NAA15: variants seen among roughly 807,000 people sequenced by gnomAD.
The protein encoded by NAA15 is N-alpha-acetyltransferase 15, NatA auxiliary subunit.
In NAA15, 34 loss-of-function variants were observed where a neutral mutation model predicts 114.0. That is an observed-to-expected ratio of 0.30 (90% CI 0.23 to 0.40). The LOEUF is 0.40. Ranked by LOEUF, NAA15 falls within the 10% of genes least tolerant of loss-of-function variation. The pLI is 1.00. For missense variants in NAA15, 658 were observed against 1,004.5 expected (o/e 0.66, Z 4.66); for synonymous variants, 340 against 338.0 (o/e 1.01, Z -0.06).
chr4:139,348,901 A>C (rs1747688759), intron 6 of NAA15, among the ~76,000 whole-genome samples: 2 of 152,190 alleles, frequency 1.3e-5, no homozygotes, highest in African/African-American at 4.8e-5. Flanking sequence ...ATAGGTTGAT[A>C]GTTTTTTCTC....
intron 19 of NAA15, among the ~76,000 whole-genome samples, chr4:139,386,917 T>C (rs1360984794): frequency 1.3e-5 from 2 of 152,180 alleles, no homozygotes; most frequent in African/African-American, 4.8e-5. Context: ...AAAATTAATA[T>C]GGGTGTATTG....
intron 3 of NAA15, among the ~76,000 whole-genome samples, chr4:139,337,283 G>A (rs1489973469): frequency 1.3e-5 from 2 of 152,212 alleles, no homozygotes; most frequent in African/African-American, 4.8e-5. Flanking sequence ...CAATGTGATA[G>A]TGGTAGGTGG....
intron 15 of NAA15, among the ~76,000 whole-genome samples, chr4:139,373,373 T>A (rs1399350213): frequency 3.3e-5 from 5 of 152,150 alleles, no homozygotes; most frequent in African/African-American, 1.2e-4. Context: ...TAAAATGCCC[T>A]AAAAATAGGG....
chr4:139,345,901 A>G (rs963178571), intron 6 of NAA15, among the ~76,000 whole-genome samples: 3 of 152,134 alleles, frequency 2.0e-5, no homozygotes, highest in African/African-American at 7.2e-5. Context: ...AGGCTGGGCA[A>G]CAGAGCAAGA....
chr4:139,379,959 C>T (rs139839262), intron 17 of NAA15, among the ~76,000 whole-genome samples: 9 of 152,124 alleles, frequency 5.9e-5, no homozygotes, highest in African/African-American at 1.9e-4. Flanking sequence ...GCAGGAGAAT[C>T]GCTTGAACTT....
chr4:139,357,364 TTCTTCTCCC>T lies in NAA15; in HGVS notation c.1088-13_1088-5del. 6.2e-7 allele frequency: 1 copy of T among 1,612,258 alleles called. No individual in the cohort carries two copies. Among genetic ancestry groups the T allele is most frequent in the Non-Finnish European group, 8.5e-7 (1 of 1,178,998 alleles). On this transcript the variant is annotated splice_polypyrimidine_tract_variant and intron_variant, in intron 10 of 19. Transcript: ENST00000296543. ...AATATATGTAATGCCTCATCTTGGT[TTCTTCTCCC>T]TCTTCTCCTAAGATGATGGAAAGGA...
intron 3 of NAA15, among the ~76,000 whole-genome samples, chr4:139,338,457 C>T (rs931780616): frequency 7.9e-5 from 12 of 151,592 alleles, no homozygotes; most frequent in African/African-American, 2.7e-4. Flanking sequence ...TTTGTTTGTG[C>T]TTTTTTTTAG....
intron 17 of NAA15, 141 bp from the exon 18 acceptor site, chr4:139,384,691 G>T: frequency 2.2e-6 from 1 of 460,688 alleles, no homozygotes; most frequent in Non-Finnish European, 3.6e-6. Context: ...GAAGGTTGAG[G>T]CTACAGTGAG....
chr4:139,382,852 A>G (rs189865922), intron 17 of NAA15, among the ~76,000 whole-genome samples: 1 of 152,358 alleles, frequency 6.6e-6, no homozygotes, highest in East Asian at 1.9e-4. Flanking sequence ...GCTAATAATT[A>G]TGTATAGAAT....
At position 139,359,914 on chromosome 4, in the gene NAA15, CT is replaced by C; in HGVS notation, c.1410+21del. Reference sequence around the variant, plus strand: ...TACAAGGGTTTGTACAGCTAGTGTTCTTAATTATGAATAAAGAAGACATGAG... The same window carrying C: ...TACAAGGGTTTGTACAGCTAGTGTTCTAATTATGAATAAAGAAGACATGAG... On this transcript the variant is annotated intron_variant, in intron 12 of 19. Coordinates refer to ENST00000296543, the MANE Select transcript of NAA15 (RefSeq NM_057175.5). 6.5e-7 allele frequency: 1 copy of C among 1,547,694 alleles called. No individual in the cohort carries two copies. The highest frequency in any genetic ancestry group is 8.6e-7 in the Non-Finnish European group (1 of 1,157,162).
chr4:139,334,433 A>G (rs1214929151), intron 2 of NAA15, among the ~76,000 whole-genome samples, 175 bp downstream of exon 2: 2 of 152,220 alleles, frequency 1.3e-5, no homozygotes, highest in Non-Finnish European at 2.9e-5. Flanking sequence ...GAAAATGATA[A>G]CACATTTTAC....
rs1270879276 is a variant in NAA15, at chr4:139,310,322, C to CG, written c.54+8494dup. ...ACAAAAAATTAGCCGGGCGTAGTGG[C>CG]GGGCGCCTGTAGTCCCAGCTACTTG... On this transcript the variant is annotated intron_variant, in intron 1 of 19. Coordinates refer to ENST00000296543, the MANE Select transcript of NAA15 (RefSeq NM_057175.5). Among the ~76,000 whole-genome samples, 4 of 149,978 alleles carry CG rather than the reference C, an allele frequency of 2.7e-5. No homozygotes were observed. In the East Asian group the frequency reaches 7.8e-4, roughly 29 times the overall value.
chr4:139,369,098 T>C (rs1004663516), intron 14 of NAA15, among the ~76,000 whole-genome samples: 54 of 152,304 alleles, frequency 3.5e-4, no homozygotes, highest in Admixed American at 2.0e-3. Context: ...GAAAATAAGG[T>C]TACAAATTAG....
chr4:139,380,515 TATAATC>T (rs1748719896), intron 17 of NAA15, among the ~76,000 whole-genome samples: 1 of 152,230 alleles, frequency 6.6e-6, no homozygotes, highest in African/African-American at 2.4e-5. Context: ...TGTATTTGCT[TATAATC>T]AGTATGTAGA....
intron 1 of NAA15, among the ~76,000 whole-genome samples, chr4:139,323,263 G>A (rs1295950623): frequency 6.6e-6 from 1 of 152,018 alleles, no homozygotes; most frequent in Non-Finnish European, 1.5e-5. Context: ...CACTATGTTG[G>A]CCAGGCTGGT....
chr4:139,389,806 C>G lies in NAA15; in HGVS notation c.*1722C>G, dbSNP rs1279264422. 1 of 152,584 alleles carries G rather than the reference C, an allele frequency of 6.6e-6. No homozygotes were observed. The highest frequency in any genetic ancestry group is 1.5e-5 in the Non-Finnish European group (1 of 68,036). 9.5% of individuals were successfully genotyped at this position (152,584 alleles called of 1,614,324 possible). ...ACTGATTGAACAGTTGTGCTACAAT[C>G]AACTTTTCATAGTACATGACCTGCA... On this transcript the variant is annotated 3_prime_UTR_variant, in exon 20 of 20. Coordinates refer to ENST00000296543, the MANE Select transcript of NAA15 (RefSeq NM_057175.5).
At chr4:139,386,586 T>A (rs1450910594) in intron 19 of NAA15, 2 of 161,542 alleles carry the variant, frequency 1.2e-5, no homozygotes, top group African/African-American at 4.8e-5. Flanking sequence ...TTCCCAGCAC[T>A]TTGGCAGGCC....
At chr4:139,375,457 TCTTTTCTTTTC>T (rs781485677) in intron 15 of NAA15, among the ~76,000 whole-genome samples, 2 of 152,092 alleles carry the variant, frequency 1.3e-5, no homozygotes, top group Non-Finnish European at 1.5e-5. Context: ...TCTTTTCTTT[TCTTTTCTTTTC>T]TTTTTTTAAA....
chr4:139,314,928 G>A (rs201750895), intron 1 of NAA15, among the ~76,000 whole-genome samples: 2 of 151,546 alleles, frequency 1.3e-5, no homozygotes, highest in Non-Finnish European at 2.9e-5. Flanking sequence ...CGCCTGCCTC[G>A]GCCTCCCAAA....
Sources: gnomAD v4.1 joint callset for allele counts (sites outside exome capture counted in the v4.1 genomes callset) on GRCh38, gnomAD v4.1.1 for gene constraint, MANE v1.5 for transcripts, NCBI Gene and HGNC (gene_info 2026-07-23, HGNC 2026-07-21) for gene names.